The following EBF1 variants were observed in gnomAD, a reference collection of about 807,000 sequenced individuals.
EBF1 encodes transcription factor COE1.
Under a neutral mutation model 68.4 loss-of-function variants are expected in EBF1, and 10 were observed. The ratio of observed to expected loss-of-function variants is 0.15; its 90% CI spans 0.09 to 0.25. The LOEUF is 0.25. Among genes scored for constraint, EBF1 ranks in the 10% least tolerant of loss-of-function variants. The pLI, the probability that EBF1 is intolerant of heterozygous loss-of-function variation, is 1.00. For synonymous variants in EBF1, 298 were observed against 299.8 expected, an observed-to-expected ratio of 0.99 and a Z score of 0.06; for missense variants, 509 against 794.4, an observed-to-expected ratio of 0.64 and a Z score of 4.32.
chr5:158,864,763 A>G (rs924996775), intron 6 of EBF1, among the ~76,000 whole-genome samples: 4 of 152,200 alleles, frequency 2.6e-5, no homozygotes, highest in African/African-American at 9.6e-5. Flanking sequence ...GAAGGGCAAG[A>G]AGGAGCCCAG....
chr5:158,906,697 G>T (rs1804719127), intron 6 of EBF1, among the ~76,000 whole-genome samples: 1 of 152,172 alleles, frequency 6.6e-6, no homozygotes, highest in Non-Finnish European at 1.5e-5. Flanking sequence ...TGAGTAACTT[G>T]CCCAACCTCA....
chr5:158,730,152 T>C (rs998734361), intron 11 of EBF1, among the ~76,000 whole-genome samples: 1 of 152,264 alleles, frequency 6.6e-6, no homozygotes, highest in African/African-American at 2.4e-5. Flanking sequence ...ATGTTAATAG[T>C]TTTCACTTGT....
Position 158,819,551 on chromosome 5 carries a change from C to A in EBF1, c.778+3625G>T, listed in dbSNP as rs542069095. The stretch of plus-strand genomic sequence containing the variant: ...ATGCCAATAGCAACACTCCTCAGGC[C>A]CCTCAATGACTCCCCAGAACACAGT... On this transcript the variant is annotated intron_variant, in intron 8 of 15. Transcript: ENST00000313708. Among the ~76,000 whole-genome samples, 137 of 152,202 alleles carry A rather than the reference C, an allele frequency of 9.0e-4. 1 individual carries two copies. Among genetic ancestry groups the A allele is most frequent in the African/African-American group, 3.0e-3 (125 of 41,498 alleles).
intron 6 of EBF1, among the ~76,000 whole-genome samples, chr5:158,966,623 C>T (rs181467761): frequency 5.6e-4 from 86 of 152,282 alleles, no homozygotes; most frequent in African/African-American, 1.9e-3. Flanking sequence ...GAAACTCAAA[C>T]CAAACACATA....
chr5:158,992,741 T>C (rs1760591750), intron 6 of EBF1, among the ~76,000 whole-genome samples: 2 of 152,076 alleles, frequency 1.3e-5, no homozygotes, highest in Non-Finnish European at 2.9e-5. Context: ...TTCCTTTGCA[T>C]GTAACTAAAA....
chr5:158,762,236 A>G (rs1771631584), intron 10 of EBF1, among the ~76,000 whole-genome samples: 1 of 152,238 alleles, frequency 6.6e-6, no homozygotes, highest in Non-Finnish European at 1.5e-5. Context: ...CCTTCTTAGA[A>G]GAAAGCAGCG....
At chr5:159,039,380 T>G (rs1012283027) in intron 6 of EBF1, among the ~76,000 whole-genome samples, 14 of 152,262 alleles carry the variant, frequency 9.2e-5, no homozygotes, top group Non-Finnish European at 1.5e-4. Context: ...TAAAAGTTAT[T>G]TATTTTTCAC....
chr5:159,028,213 T>G (rs1421633257), intron 6 of EBF1, among the ~76,000 whole-genome samples: 1 of 152,116 alleles, frequency 6.6e-6, no homozygotes, highest in African/African-American at 2.4e-5. Context: ...TCAAACCTCA[T>G]GAGTGGCATC....
At chr5:158,778,865 T>A (rs1272821580) in intron 9 of EBF1, among the ~76,000 whole-genome samples, 1 of 152,216 alleles carries the variant, frequency 6.6e-6, no homozygotes, top group African/African-American at 2.4e-5. Context: ...TGTTGAGGTA[T>A]GAAGAACTAT....
chr5:159,089,815 GGAAA>G (rs1246776381), intron 4 of EBF1, among the ~76,000 whole-genome samples: 16 of 137,384 alleles, frequency 1.2e-4, no homozygotes, highest in South Asian at 2.3e-4. Context: ...AAAGAAAGAA[GGAAA>G]GAAAGAAAGA....
chr5:158,920,599 A>G (rs931796827), intron 6 of EBF1, among the ~76,000 whole-genome samples: 2 of 152,074 alleles, frequency 1.3e-5, no homozygotes, highest in Non-Finnish European at 2.9e-5. Flanking sequence ...TTTTTAAAGA[A>G]ACACAGTCTT....
At chr5:158,947,061 T>C (rs12152760) in intron 6 of EBF1, among the ~76,000 whole-genome samples, 84,340 of 152,000 alleles carry the variant, frequency 0.55, 23,772 homozygotes, top group South Asian at 0.74. Context: ...CATCCCAGGT[T>C]GACTTCAGAC....
intron 6 of EBF1, among the ~76,000 whole-genome samples, chr5:159,052,519 G>A (rs1773958593): frequency 6.6e-6 from 1 of 152,170 alleles, no homozygotes; most frequent in Non-Finnish European, 1.5e-5. Flanking sequence ...CTCTAAATCT[G>A]AGCCACAGCC....
Position 158,708,117 on chromosome 5 carries a change from T to C in EBF1, c.1606A>G (p.Ser536Gly). 1 of 1,589,024 alleles carries C rather than the reference T, an allele frequency of 6.3e-7. No individual in the cohort carries two copies. Among genetic ancestry groups the C allele is most frequent in the East Asian group, 2.3e-5 (1 of 44,054 alleles). The part of the protein sequence containing the change: ...SSTSLPSNCS[S>G]SSGIFSFSPA... ...GAGAAGGAGAAGATGCCCGAGGAGCTGCTGCAGTTGGAGGGGAGGCTTGTG... is the reference window on the plus strand; with the variant it reads ...GAGAAGGAGAAGATGCCCGAGGAGCCGCTGCAGTTGGAGGGGAGGCTTGTG... Residue 536 changes from serine (S) to glycine (G), a missense_variant, in exon 15 of 16, where the codon AGC becomes GGC. Ser to Gly is a moderately conservative substitution (Grantham distance 56). Around this residue, in one of 3 missense-constraint regions of EBF1, gnomAD observed 205 missense variants for 247.4 expected, o/e 0.83. Transcript: ENST00000313708.
intron 6 of EBF1, among the ~76,000 whole-genome samples, chr5:158,978,642 T>C (rs1476034159): frequency 1.3e-5 from 2 of 152,118 alleles, no homozygotes; most frequent in Admixed American, 6.5e-5. Context: ...TTTTTTTACA[T>C]TATCTGGAAA....
chr5:159,011,812 A>G (rs1271355920), intron 6 of EBF1, among the ~76,000 whole-genome samples: 1 of 152,238 alleles, frequency 6.6e-6, no homozygotes, highest in Non-Finnish European at 1.5e-5. Context: ...GTCTAACCAG[A>G]TAAGATGGGT....
intron 10 of EBF1, among the ~76,000 whole-genome samples, chr5:158,771,742 C>T (rs959027700): frequency 6.6e-6 from 1 of 152,118 alleles, no homozygotes. Context: ...GAGACTCTCC[C>T]AGTCAATCAA....
chr5:158,702,264 G>A (rs1440180302), intron 15 of EBF1, among the ~76,000 whole-genome samples: 3 of 152,124 alleles, frequency 2.0e-5, no homozygotes, highest in East Asian at 3.9e-4. Context: ...GCAATCTGAA[G>A]ATTATGTGGG....
At chr5:158,914,623 G>A (rs894254691) in intron 6 of EBF1, among the ~76,000 whole-genome samples, 1 of 152,108 alleles carries the variant, frequency 6.6e-6, no homozygotes, top group Non-Finnish European at 1.5e-5. Context: ...AGGAGGGGGG[G>A]AAATGCCCAG....
Sources: allele counts gnomAD v4.1 joint callset (sites outside exome capture counted in the v4.1 genomes callset), GRCh38; gene constraint gnomAD v4.1.1; regional missense constraint gnomAD v4.1.1; transcripts MANE v1.5; gene names NCBI Gene and HGNC (gene_info 2026-07-23, HGNC 2026-07-21).